The following NBPF3 variants were observed in gnomAD, a reference collection of about 807,000 sequenced individuals.
NBPF3 encodes the protein NBPF family member NBPF3.
NBPF3 carries 57 observed loss-of-function variants against 78.1 expected under a neutral mutation model. The observed-to-expected ratio is 0.73, with a 90% CI of 0.59 to 0.91. The LOEUF is 0.91. Among genes scored for constraint, NBPF3 ranks in the 40% least tolerant of loss-of-function variants. The probability of loss-of-function intolerance (pLI) is 0.00; values close to 1 mark genes in which losing one functional copy is unlikely to be tolerated. For synonymous variants in NBPF3, 182 were observed against 271.7 expected (o/e 0.67, Z 3.25); for missense variants, 510 against 715.3 (o/e 0.71, Z 3.27).
chr1:21,479,538 G>A (rs1173645493), intron 10 of NBPF3, 138 bp downstream of exon 10: 3 of 805,390 alleles, frequency 3.7e-6, no homozygotes, highest in Admixed American at 1.8e-5. Flanking sequence ...CATTGCTTTT[G>A]GTTCTCATTA....
intron 2 of NBPF3, among the ~76,000 whole-genome samples, chr1:21,450,594 A>T (rs1204708842): frequency 6.6e-6 from 1 of 152,174 alleles, no homozygotes; most frequent in Non-Finnish European, 1.5e-5. Flanking sequence ...ACAGTAGGAC[A>T]CTCACATTCC....
At chr1:21,478,025 A>C in intron 8 of NBPF3, 119 bp from the exon 9 acceptor site, 5 of 1,602,350 alleles carry the variant, frequency 3.1e-6, no homozygotes, top group Non-Finnish European at 4.3e-6. Flanking sequence ...TTGAAGGAAA[A>C]ATGCCTTTGG....
chr1:21,436,878 G>A (rs1459441160), upstream of NBPF3: 1 of 567,872 alleles, frequency 1.8e-6, no homozygotes, highest in Non-Finnish European at 2.6e-6. This position sits in a 1 kb window ranked among gnomAD's most constrained non-coding sequence, Gnocchi z 4.3. Context: ...CCCTCCGGGT[G>A]GGGGCGGGGA....
intron 2 of NBPF3, among the ~76,000 whole-genome samples, chr1:21,445,589 C>T (rs1640922649): frequency 6.6e-6 from 1 of 150,440 alleles, no homozygotes; most frequent in Non-Finnish European, 1.5e-5. Context: ...TTCTGCTCTT[C>T]AGCTTTGATG....
At chr1:21,480,312 G>A (rs1333723037) in intron 11 of NBPF3, 89 bp downstream of exon 11, 5 of 676,202 alleles carry the variant, frequency 7.4e-6, no homozygotes, top group South Asian at 6.4e-5. Flanking sequence ...TTATTGACCC[G>A]AGAGATGTCA....
In NBPF3 at chr1:21,447,154, T is replaced by A. The variant is rs572536695; in HGVS notation, c.133+1935T>A. 3.3e-5 allele frequency among the ~76,000 whole-genome samples: 5 copies of A among 152,352 alleles called. No homozygotes were observed. The South Asian group carries it at 1.0e-3, about 32-fold the overall frequency. ...GTTTGTGGAAAACTTGAGTGGATAG[T>A]ACAGAGGGTTCTCCTAGGCTCCCCT... On this transcript the variant is annotated intron_variant, in intron 2 of 14. Transcript: ENST00000318249.
At chr1:21,467,699 G>T (rs1233035017) in intron 2 of NBPF3, among the ~76,000 whole-genome samples, 9 of 152,192 alleles carry the variant, frequency 5.9e-5, no homozygotes, top group Non-Finnish European at 5.9e-5. Flanking sequence ...AAGATAGATG[G>T]TCACACATGT....
intron 2 of NBPF3, chr1:21,459,842 A>G (rs1181933191): frequency 5.2e-5 from 14 of 269,218 alleles, no homozygotes; most frequent in Non-Finnish European, 8.6e-5. Context: ...TCAGTTCCCC[A>G]TCCTGCAGCA....
intron 8 of NBPF3, among the ~76,000 whole-genome samples, chr1:21,477,855 T>C (rs1432730287): frequency 6.6e-6 from 1 of 152,206 alleles, no homozygotes; most frequent in Non-Finnish European, 1.5e-5. Context: ...CTGTGTTAGT[T>C]CTCTGTGCTG....
chr1:21,454,227 ACTTT>A (rs1451336414), intron 2 of NBPF3: 1 of 152,238 alleles, frequency 6.6e-6, no homozygotes, highest in African/African-American at 2.4e-5. Context: ...GTCAACTGTG[ACTTT>A]CTTTCTTCAA....
intron 2 of NBPF3, chr1:21,449,936 GATT>G (rs1641211547): frequency 6.7e-6 from 2 of 297,890 alleles, no homozygotes; most frequent in Non-Finnish European, 9.9e-6. Context: ...TTGATTGATT[GATT>G]GATGGATTGA....
chr1:21,470,217 C>T (rs1422588986), intron 3 of NBPF3, among the ~76,000 whole-genome samples: 2 of 152,142 alleles, frequency 1.3e-5, no homozygotes, highest in Non-Finnish European at 2.9e-5. Context: ...TTGAACTTCC[C>T]AGTGAAAGGG....
At chr1:21,442,836 A>AT (rs2147889648) in intron 1 of NBPF3, among the ~76,000 whole-genome samples, 1 of 151,902 alleles carries the variant, frequency 6.6e-6, no homozygotes, top group East Asian at 1.9e-4. Context: ...TAATTTTCGT[A>AT]TTTTTTGTAG....
chr1:21,468,371 G>A (rs1486534922), intron 2 of NBPF3: 26 of 1,264,298 alleles, frequency 2.1e-5, no homozygotes, highest in South Asian at 1.1e-4. Context: ...CAAAGCCTGG[G>A]CAATTGGAAT....
intron 11 of NBPF3, 29 bp downstream of exon 11, chr1:21,480,252 A>ACTC: frequency 9.6e-7 from 1 of 1,040,100 alleles, no homozygotes. Context: ...AGGTGATAAG[A>ACTC]CTCCACCTGG....
At chr1:21,479,227 A>G (rs768237072) in intron 9 of NBPF3, 122 bp from the exon 10 acceptor site, 59 of 1,101,814 alleles carry the variant, frequency 5.4e-5, no homozygotes, top group Non-Finnish European at 7.9e-5. Context: ...TATTTCTCTC[A>G]AAGTCTCCTA....
chr1:21,462,509 T>C (rs1642008672), intron 2 of NBPF3, among the ~76,000 whole-genome samples: 1 of 152,082 alleles, frequency 6.6e-6, no homozygotes, highest in African/African-American at 2.4e-5. Flanking sequence ...TGATGGAAAG[T>C]AGATAACAAA....
intron 2 of NBPF3, among the ~76,000 whole-genome samples, chr1:21,465,668 G>A (rs1642220806): frequency 6.6e-6 from 1 of 152,244 alleles, no homozygotes; most frequent in Non-Finnish European, 1.5e-5. Flanking sequence ...CTTCGGAAGA[G>A]TGGAAGCCCT....
At chr1:21,473,316 C>A in intron 6 of NBPF3, 64 bp from the exon 7 acceptor site, 1 of 1,566,946 alleles carries the variant, frequency 6.4e-7, no homozygotes, top group Non-Finnish European at 8.8e-7. Context: ...CCAGCTAGCA[C>A]TCCCTGGTGT....
Sources: allele counts gnomAD v4.1 joint callset (sites outside exome capture counted in the v4.1 genomes callset), GRCh38; gene constraint gnomAD v4.1.1; non-coding constraint Gnocchi (gnomAD v3.1); transcripts MANE v1.5; gene names NCBI Gene and HGNC (gene_info 2026-07-23, HGNC 2026-07-21).